The following KCNN3 variants were observed in gnomAD, a reference collection of about 807,000 sequenced individuals.
The protein encoded by KCNN3 is small conductance calcium-activated potassium channel protein 3.
Under a neutral mutation model 62.9 loss-of-function variants are expected in KCNN3, and 16 were observed. The observed-to-expected ratio is 0.25, with a 90% CI of 0.17 to 0.39. The LOEUF (loss-of-function observed/expected upper bound fraction) is 0.39, where lower values mean the gene tolerates loss of function less well. KCNN3 is among the 10% of genes least tolerant of loss of function. The pLI is 1.00. For missense variants in KCNN3, 599 were observed against 949.4 expected (o/e 0.63, Z 4.85); for synonymous variants, 370 against 389.2 (o/e 0.95, Z 0.58).
intron 2 of KCNN3, among the ~76,000 whole-genome samples, chr1:154,784,127 T>C (rs981942060): frequency 1.3e-5 from 2 of 152,152 alleles, no homozygotes; most frequent in Non-Finnish European, 2.9e-5. Context: ...CAATTATATT[T>C]GAAGCAGTAA....
chr1:154,817,827 G>C (rs1436003467), intron 2 of KCNN3, among the ~76,000 whole-genome samples: 1 of 152,198 alleles, frequency 6.6e-6, no homozygotes, highest in Admixed American at 6.5e-5. Flanking sequence ...TCTGCACCTA[G>C]AAGAACATTA....
intron 3 of KCNN3, among the ~76,000 whole-genome samples, chr1:154,767,229 A>T (rs562013048): frequency 1.3e-5 from 2 of 152,240 alleles, no homozygotes; most frequent in South Asian, 4.1e-4. Flanking sequence ...CTGCTTTAGG[A>T]GCCAGATCTC....
Position 154,732,842 on chromosome 1 carries a change from T to C in KCNN3, c.1590+161A>G, listed in dbSNP as rs74626361. 4.2e-3 allele frequency among the ~76,000 whole-genome samples: 640 copies of C among 152,332 alleles called. 27 individuals carry two copies. The South Asian group carries it at 0.062, about 15-fold the overall frequency. On this transcript the variant is annotated intron_variant, in intron 4 of 7. Coordinates refer to ENST00000271915, the MANE Select transcript of KCNN3 (RefSeq NM_002249.6). ...TGAAAAGTGAGAAACCATTGCAGAT[T>C]TCCCACCTGACATTTTATGTGTAGG...
Position 154,822,070 on chromosome 1 carries a change from G to T in KCNN3, c.1029+19C>A. On this transcript the variant is annotated intron_variant, in intron 2 of 7. Coordinates refer to ENST00000271915, the MANE Select transcript of KCNN3 (RefSeq NM_002249.6). Reference sequence around the variant, plus strand: ...AAAGGATCAGCCGCTGCATGAAGGGGTGAGGTGGGGGCACCTACCTGGACT... The same window carrying T: ...AAAGGATCAGCCGCTGCATGAAGGGTTGAGGTGGGGGCACCTACCTGGACT... The T allele has an allele frequency of 7.6e-6, 12 of 1,582,504 alleles. No homozygotes were observed. The highest frequency in any genetic ancestry group is 8.7e-6 in the Non-Finnish European group (10 of 1,151,192).
At position 154,870,054 on chromosome 1, in the gene KCNN3, C is replaced by T. The variant is rs959485276; in HGVS notation, c.-90G>A. The T allele has an allele frequency of 6.4e-6, 9 of 1,405,282 alleles. No individual in the cohort carries two copies. Among genetic ancestry groups the T allele is most frequent in the African/African-American group, 2.8e-5 (2 of 70,242 alleles). The allele number at this position is 1,405,282 out of a possible 1,614,324, so 87.1% of individuals were successfully genotyped here. ...ATGTCCTCAAAGAAAGCCAGGCATCCAATCTCCCCCACCAGTATCTTGGCT... is the reference window on the plus strand; with the variant it reads ...ATGTCCTCAAAGAAAGCCAGGCATCTAATCTCCCCCACCAGTATCTTGGCT... On this transcript the variant is annotated 5_prime_UTR_variant, in exon 1 of 8. Transcript: ENST00000271915.
At chr1:154,742,745 C>T (rs899178005) in intron 3 of KCNN3, among the ~76,000 whole-genome samples, 2 of 152,164 alleles carry the variant, frequency 1.3e-5, no homozygotes, top group Admixed American at 6.5e-5. Flanking sequence ...GCCTGCCTCG[C>T]GAGGCCGCGG....
rs1256954606 is a variant in KCNN3, at chr1:154,703,109, G to A, written c.*4867C>T. ...ATATATGTATATACCATTGCACTGA[G>A]TACTTTTTAATAAGCTGTGGTCTGT... On this transcript the variant is annotated 3_prime_UTR_variant, in exon 8 of 8. Coordinates refer to ENST00000271915, the MANE Select transcript of KCNN3 (RefSeq NM_002249.6). 6.6e-6 allele frequency: 1 copy of A among 152,060 alleles called. No homozygotes were observed. The highest frequency in any genetic ancestry group is 2.4e-5 in the African/African-American group (1 of 41,412). 9.4% of individuals were successfully genotyped at this position (152,060 alleles called of 1,614,324 possible).
At chr1:154,846,747 T>A (rs1652077526) in intron 1 of KCNN3, among the ~76,000 whole-genome samples, 1 of 152,212 alleles carries the variant, frequency 6.6e-6, no homozygotes, top group African/African-American at 2.4e-5. Context: ...GCTCCACTTC[T>A]CGCTGTACTC....
chr1:154,721,745 C>T (rs1700354327), intron 5 of KCNN3, among the ~76,000 whole-genome samples: 1 of 151,982 alleles, frequency 6.6e-6, no homozygotes, highest in Non-Finnish European at 1.5e-5. Flanking sequence ...TGTGATGGAT[C>T]TGTTTAGCTA....
At chr1:154,804,732 T>C (rs1650098747) in intron 2 of KCNN3, among the ~76,000 whole-genome samples, 2 of 152,152 alleles carry the variant, frequency 1.3e-5, no homozygotes, top group South Asian at 2.1e-4. Context: ...TATGAAAGCA[T>C]TAGTTCTCAC....
intron 2 of KCNN3, among the ~76,000 whole-genome samples, chr1:154,803,222 C>T (rs566312283): frequency 2.6e-5 from 4 of 152,178 alleles, no homozygotes; most frequent in Non-Finnish European, 4.4e-5. Context: ...AGCCTAGAAA[C>T]AAAAACAGAC....
chr1:154,842,781 C>A (rs6426987), intron 1 of KCNN3, among the ~76,000 whole-genome samples: 52,451 of 152,018 alleles, frequency 0.35, 9,910 homozygotes, highest in African/African-American at 0.48. Context: ...CTGCTGTTAC[C>A]ATCAGGGCCT....
At position 154,725,418 on chromosome 1, in the gene KCNN3, A is replaced by G. The variant is rs563753572; in HGVS notation, c.1701+498T>C. Among the ~76,000 whole-genome samples, 10 of 152,282 alleles carry G rather than the reference A, an allele frequency of 6.6e-5. No individual in the cohort carries two copies. The East Asian group carries it at 1.9e-3, about 29-fold the overall frequency. ...CTGCCTGAACCATGCACAGTGATCG[A>G]ACAGAAGACAGGAACCCGGCGTATG... On this transcript the variant is annotated intron_variant, in intron 5 of 7. Coordinates refer to ENST00000271915, the MANE Select transcript of KCNN3 (RefSeq NM_002249.6).
intron 7 of KCNN3, 53 bp from the exon 8 acceptor site, chr1:154,708,325 G>C: frequency 6.3e-7 from 1 of 1,576,536 alleles, no homozygotes; most frequent in Non-Finnish European, 8.7e-7. Context: ...CATCACAGAG[G>C]AATCTGCAAT....
intron 3 of KCNN3, among the ~76,000 whole-genome samples, chr1:154,742,448 A>G (rs975087518): frequency 6.6e-6 from 1 of 152,224 alleles, no homozygotes; most frequent in Non-Finnish European, 1.5e-5. Flanking sequence ...TCCCACCTGT[A>G]AAAGAGGATA....
intron 5 of KCNN3, 28 bp downstream of exon 5, chr1:154,725,888 C>T: frequency 6.4e-7 from 1 of 1,565,200 alleles, no homozygotes. Context: ...TTAAGTCCCC[C>T]ATAAGACATG....
rs1023466101 is a variant in KCNN3, at chr1:154,862,292, G to A, written c.933+6740C>T. ...AGATAGTTGGTCATCATGAGCCCTG[G>A]GCCAGCCACCGTGAGGGTCATGAGG... is the stretch of plus-strand genomic sequence containing the variant. On this transcript the variant is annotated intron_variant, in intron 1 of 7. Transcript: ENST00000271915. This position sits in a 1 kb window ranked among gnomAD's most constrained non-coding sequence, Gnocchi z 4.1. Among the ~76,000 whole-genome samples, 2 of 152,134 alleles carry A rather than the reference G, an allele frequency of 1.3e-5. No homozygotes were observed. The highest frequency in any genetic ancestry group is 2.4e-5 in the African/African-American group (1 of 41,406).
chr1:154,866,464 T>C (rs1283388751), intron 1 of KCNN3, among the ~76,000 whole-genome samples: 1 of 152,124 alleles, frequency 6.6e-6, no homozygotes, highest in South Asian at 2.1e-4. Context: ...ACACAAATAG[T>C]AGTGGCAGAG....
At chr1:154,845,069 C>T (rs1044968086) in intron 1 of KCNN3, among the ~76,000 whole-genome samples, 2 of 152,072 alleles carry the variant, frequency 1.3e-5, no homozygotes, top group African/African-American at 4.8e-5. Flanking sequence ...AATCTAGGCT[C>T]TCTGTATTTT....
Sources: gnomAD v4.1 joint callset for allele counts (sites outside exome capture counted in the v4.1 genomes callset) on GRCh38, gnomAD v4.1.1 for gene constraint, Gnocchi (gnomAD v3.1) non-coding constraint, MANE v1.5 for transcripts, NCBI Gene and HGNC (gene_info 2026-07-23, HGNC 2026-07-21) for gene names.